The following CAVIN4 variants were observed in gnomAD, a reference collection of about 807,000 sequenced individuals.
CAVIN4 encodes caveolae associated protein 4, also known as caveolae-associated protein 4.
In CAVIN4, 10 loss-of-function variants were observed where a neutral mutation model predicts 18.6. The ratio of observed to expected loss-of-function variants is 0.54; its 90% CI spans 0.33 to 0.91. CAVIN4 has a LOEUF of 0.91. Among genes scored for constraint, CAVIN4 ranks in the 40% least tolerant of loss-of-function variants. The probability of loss-of-function intolerance (pLI) is 0.02; values close to 1 mark genes in which losing one functional copy is unlikely to be tolerated. For missense variants in CAVIN4, 459 were observed against 440.5 expected, an observed-to-expected ratio of 1.04 and a Z score of -0.38; for synonymous variants, 173 against 164.8, an observed-to-expected ratio of 1.05 and a Z score of -0.38.
chr9:100,586,363 C>A lies in CAVIN4; in HGVS notation c.1007C>A (p.Thr336Asn). ...CCCCATGAAGGAAGGGAAATCCCCA[C>A]CCCCGAGCCTTTAAAAGTTACTTTT... ...YPPHEGREIP[T>N]PEPLKVTFKS... The change falls in exon 2 of 2, where the codon ACC becomes AAC. Residue 336 changes from threonine (T) to asparagine (N), a missense_variant. Physicochemically the swap from Thr to Asn is moderately conservative, Grantham distance 65. Transcript: ENST00000307584. 6.2e-7 allele frequency: 1 copy of A among 1,613,954 alleles called. No individual in the cohort carries two copies. The highest frequency in any genetic ancestry group is 1.1e-5 in the South Asian group (1 of 91,044).
rs1839482863 is a variant in CAVIN4 at position 100,586,526 on chromosome 9, T to G, written c.*75T>G. 1 of 1,139,036 alleles carries G rather than the reference T, an allele frequency of 8.8e-7. No individual in the cohort carries two copies. The highest frequency in any genetic ancestry group is 1.5e-5 in the African/African-American group (1 of 65,142). 70.6% of individuals were successfully genotyped at this position (1,139,036 alleles called of 1,614,324 possible). Reference sequence around the variant, plus strand: ...AGTTTGAATAGTGTAGTCGTCTACATTTCTGTGCCATGTAGGAAAACATAA... The same window carrying G: ...AGTTTGAATAGTGTAGTCGTCTACAGTTCTGTGCCATGTAGGAAAACATAA... On this transcript the variant is annotated 3_prime_UTR_variant, in exon 2 of 2. Transcript: ENST00000307584.
At chr9:100,580,313 G>GA (rs1409309471) in intron 1 of CAVIN4, among the ~76,000 whole-genome samples, 1 of 151,670 alleles carries the variant, frequency 6.6e-6, no homozygotes, top group Non-Finnish European at 1.5e-5. Context: ...TTGAAAAATT[G>GA]AAAAAAAATC....
intron 1 of CAVIN4, among the ~76,000 whole-genome samples, chr9:100,579,961 A>G (rs555531104): frequency 6.6e-6 from 1 of 152,220 alleles, no homozygotes; most frequent in Admixed American, 6.5e-5. Flanking sequence ...TATTTAGGAA[A>G]AGTAATAGGA....
rs766138038 is a variant in CAVIN4, at chr9:100,578,493, T to C, written c.350T>C (p.Val117Ala). 2 of 1,613,746 alleles carry C rather than the reference T, an allele frequency of 1.2e-6. No individual in the cohort carries two copies. Among genetic ancestry groups the C allele is most frequent in the Non-Finnish European group, 1.7e-6 (2 of 1,179,952 alleles). Residue 117 changes from valine to alanine, a missense_variant, in exon 1 of 2, where the codon GTT (valine) becomes GCT (alanine). Val to Ala is a moderately conservative substitution (Grantham distance 64). Transcript: ENST00000307584. Reference sequence around the variant, plus strand: ...AAGCAACAAATTCATGTTAAAAAAGTTGAAGTCAAGCAAGAGGAAATAATG... The same window carrying C: ...AAGCAACAAATTCATGTTAAAAAAGCTGAAGTCAAGCAAGAGGAAATAATG... ...VEKQQIHVKK[V>A]EVKQEEIMKK...
chr9:100,583,441 CGAATCA>C, intron 1 of CAVIN4, among the ~76,000 whole-genome samples: 1 of 152,264 alleles, frequency 6.6e-6, no homozygotes, highest in East Asian at 1.9e-4. Context: ...AAAGCAGCTC[CGAATCA>C]GACTGCTTCT....
At chr9:100,584,279 A>G (rs1839456545) in intron 1 of CAVIN4, among the ~76,000 whole-genome samples, 2 of 152,324 alleles carry the variant, frequency 1.3e-5, no homozygotes, top group Admixed American at 1.3e-4. Context: ...CATGCTATAT[A>G]GATTTTACTT....
Position 100,586,226 on chromosome 9 carries a change from G to C in CAVIN4, c.870G>C (p.Arg290Ser), listed in dbSNP as rs1453115460. ...TGGCTGAAGGTGAGGAATGTGCCAG[G>C]GAGATGGGTGTGGACATCATTGCCA... is the stretch of plus-strand genomic sequence containing the variant. ...RTVAEGEECA[R>S]EMGVDIIARS... The change falls in exon 2 of 2, where the codon AGG becomes AGC. Residue 290 changes from arginine to serine, a missense_variant. Coordinates refer to ENST00000307584, the MANE Select transcript of CAVIN4 (RefSeq NM_001018116.2). The C allele has an allele frequency of 1.9e-6, 3 of 1,565,326 alleles. No individual in the cohort carries two copies. The highest frequency in any genetic ancestry group is 2.4e-5 in the South Asian group (2 of 82,048).
intron 1 of CAVIN4, among the ~76,000 whole-genome samples, chr9:100,580,517 A>G (rs1839416104): frequency 6.6e-6 from 1 of 152,268 alleles, no homozygotes; most frequent in Non-Finnish European, 1.5e-5. Context: ...GCAGTGGACT[A>G]AGTGCCAATT....
At chr9:100,583,689 C>G (rs1022587703) in intron 1 of CAVIN4, among the ~76,000 whole-genome samples, 3 of 151,646 alleles carry the variant, frequency 2.0e-5, no homozygotes, top group African/African-American at 7.3e-5. Flanking sequence ...CTGTGTCACC[C>G]AGGCTGGAGG....
At chr9:100,577,925 G>C (rs2118597175), upstream of CAVIN4, among the ~76,000 whole-genome samples, 1 of 152,262 alleles carries the variant, frequency 6.6e-6, no homozygotes, top group South Asian at 2.1e-4. Context: ...CCCTTAGTCA[G>C]TCAGCAAGCA....
rs146538761 is a variant in CAVIN4 at position 100,578,377 on chromosome 9, G to A, written c.234G>A (p.Ser78=). The change falls in exon 1 of 2, where the codon TCG becomes TCA. Residue 78 remains serine, a synonymous_variant. Coordinates refer to ENST00000307584, the MANE Select transcript of CAVIN4 (RefSeq NM_001018116.2). ...VQIDLLKLSQ[S]HSNTGHIINK... ...TTGACCTGTTGAAGCTTTCACAGTC[G>A]CATAGCAATACAGGGCATATCATTA... The A allele has an allele frequency of 5.7e-5, 92 of 1,613,962 alleles. No individual in the cohort carries two copies. Among genetic ancestry groups the A allele is most frequent in the African/African-American group, 8.0e-5 (6 of 74,886 alleles).
chr9:100,578,295 A>G lies in CAVIN4; in HGVS notation c.152A>G (p.Gln51Arg). ...ASIVDSVQAS[Q>R]KRIEERHREM... is the part of the protein sequence containing the mutation. Reference sequence around the variant, plus strand: ...ATCGTGGACAGTGTGCAGGCAAGCCAGAAGAGAATAGAAGAGAGACACAGG... The same window carrying G: ...ATCGTGGACAGTGTGCAGGCAAGCCGGAAGAGAATAGAAGAGAGACACAGG... The change falls in exon 1 of 2, where the codon CAG becomes CGG. Residue 51 changes from glutamine to arginine, a missense_variant. Coordinates refer to ENST00000307584, the MANE Select transcript of CAVIN4 (RefSeq NM_001018116.2). 1 of 1,614,154 alleles carries G rather than the reference A, an allele frequency of 6.2e-7. No homozygotes were observed. The highest frequency in any genetic ancestry group is 8.5e-7 in the Non-Finnish European group (1 of 1,180,016).
At chr9:100,580,109 G>GCA (rs1452684564) in intron 1 of CAVIN4, among the ~76,000 whole-genome samples, 1 of 151,536 alleles carries the variant, frequency 6.6e-6, no homozygotes, top group African/African-American at 2.4e-5. Flanking sequence ...AAAAGCCTGG[G>GCA]CAATGTGGCA....
chr9:100,578,654 A>G lies in CAVIN4; in HGVS notation c.408+103A>G, dbSNP rs528612233. ...TCCAGTGTCACATCTTAACTATTGT[A>G]TATATTAATACAATGGAGTTCTGTA... is the stretch of plus-strand genomic sequence containing the variant. On this transcript the variant is annotated intron_variant, in intron 1 of 1. Transcript: ENST00000307584. 11 of 1,102,994 alleles carry G rather than the reference A, an allele frequency of 1.0e-5. No individual in the cohort carries two copies. The East Asian group carries it at 1.7e-4, about 17-fold the overall frequency. 68.3% of individuals were successfully genotyped at this position (1,102,994 alleles called of 1,614,324 possible).
Position 100,585,984 on chromosome 9 carries a change from A to G in CAVIN4, c.628A>G (p.Thr210Ala). 6.2e-7 allele frequency: 1 copy of G among 1,614,196 alleles called. No homozygotes were observed. The highest frequency in any genetic ancestry group is 8.5e-7 in the Non-Finnish European group (1 of 1,180,034). ...ATTTTCCAAAGAAAACATGCAGAAGACACGGCAGAATCTTGACAAGAAAGT... is the reference window on the plus strand; with the variant it reads ...ATTTTCCAAAGAAAACATGCAGAAGGCACGGCAGAATCTTGACAAGAAAGT... ...KAFSKENMQK[T>A]RQNLDKKVNR... The change falls in exon 2 of 2, where the codon ACA becomes GCA. Residue 210 changes from threonine to alanine, a missense_variant. Transcript: ENST00000307584.
rs1236228375 is a variant in CAVIN4, at chr9:100,583,124, T to C, written c.409-2641T>C. ...ATCTCTTTCATCTGGTCTCATGACT[T>C]TAATTCCATCTTTACATCAATGACT... On this transcript the variant is annotated intron_variant, in intron 1 of 1. Coordinates refer to ENST00000307584, the MANE Select transcript of CAVIN4 (RefSeq NM_001018116.2). Among the ~76,000 whole-genome samples the C allele has an allele frequency of 2.0e-5, 3 of 152,292 alleles. No individual in the cohort carries two copies. In the East Asian group the frequency reaches 5.8e-4, roughly 29 times the overall value.
At position 100,586,342 on chromosome 9, in the gene CAVIN4, A is replaced by T; in HGVS notation, c.986A>T (p.His329Leu). The T allele has an allele frequency of 6.2e-7, 1 of 1,614,078 alleles. No individual in the cohort carries two copies. Among genetic ancestry groups the T allele is most frequent in the Non-Finnish European group, 8.5e-7 (1 of 1,180,002 alleles). The change falls in exon 2 of 2, where the codon CAT (histidine) becomes CTT (leucine). Residue 329 changes from histidine to leucine, a missense_variant. Coordinates refer to ENST00000307584, the MANE Select transcript of CAVIN4 (RefSeq NM_001018116.2). ...HEAARPVYPP[H>L]EGREIPTPEP... ...GCAGCCAGGCCGGTGTATCCTCCCC[A>T]TGAAGGAAGGGAAATCCCCACCCCC... is the stretch of plus-strand genomic sequence containing the variant.
At position 100,586,703 on chromosome 9, in the gene CAVIN4, C is replaced by T. The variant is rs1839484641; in HGVS notation, c.*252C>T. On this transcript the variant is annotated 3_prime_UTR_variant, in exon 2 of 2. Coordinates refer to ENST00000307584, the MANE Select transcript of CAVIN4 (RefSeq NM_001018116.2). ...GGGCCAGTTACGTGTTTGGTAAGGG[C>T]AACTTTGCGGCCGTCATTTGCAGGA... 6 of 316,176 alleles carry T rather than the reference C, an allele frequency of 1.9e-5. No individual in the cohort carries two copies. In the South Asian group the frequency reaches 3.0e-4, roughly 16 times the overall value. 19.6% of individuals were successfully genotyped at this position (316,176 alleles called of 1,614,324 possible).
chr9:100,580,307 A>G (rs1839414708), intron 1 of CAVIN4, among the ~76,000 whole-genome samples: 1 of 152,122 alleles, frequency 6.6e-6, no homozygotes, highest in Non-Finnish European at 1.5e-5. Context: ...AAAAAATTGA[A>G]AAATTGAAAA....
Sources: allele counts gnomAD v4.1 joint callset (sites outside exome capture counted in the v4.1 genomes callset), GRCh38; gene constraint gnomAD v4.1.1; transcripts MANE v1.5; gene names NCBI Gene and HGNC (gene_info 2026-07-23, HGNC 2026-07-21).